LRMDA: variants seen among roughly 807,000 people sequenced by gnomAD.
LRMDA encodes leucine rich melanocyte differentiation associated, also known as leucine-rich melanocyte differentiation-associated protein.
Under a neutral mutation model 29.8 loss-of-function variants are expected in LRMDA, and 18 were observed. That is an observed-to-expected ratio of 0.60 (90% CI 0.42 to 0.90). LRMDA has a LOEUF of 0.90. Ranked by LOEUF, LRMDA falls within the 40% of genes least tolerant of loss-of-function variation. The probability of loss-of-function intolerance (pLI) is 0.00; values close to 1 mark genes in which losing one functional copy is unlikely to be tolerated. For missense variants in LRMDA, 273 were observed against 273.9 expected, an observed-to-expected ratio of 1.00 and a Z score of 0.02; for synonymous variants, 125 against 109.4, an observed-to-expected ratio of 1.14 and a Z score of -0.89.
intron 5 of LRMDA, among the ~76,000 whole-genome samples, chr10:76,078,753 G>C (rs750301703): frequency 1.4e-4 from 22 of 152,042 alleles, no homozygotes; most frequent in Non-Finnish European, 2.9e-4. Context: ...GGAGAATGGC[G>C]TGAACCCAGG....
chr10:75,520,304 T>G (rs975920898), intron 2 of LRMDA, among the ~76,000 whole-genome samples: 16 of 152,236 alleles, frequency 1.1e-4, no homozygotes, highest in Non-Finnish European at 2.2e-4. Context: ...TCCTGTCACT[T>G]TCAGGTACAC....
intron 2 of LRMDA, among the ~76,000 whole-genome samples, chr10:75,899,204 C>A (rs1334312989): frequency 1.3e-5 from 2 of 152,176 alleles, no homozygotes; most frequent in Admixed American, 1.3e-4. Context: ...CCAACCCTCT[C>A]AAAAATTATT....
rs186999282 is a variant in LRMDA at position 76,130,147 on chromosome 10, C to T, written c.516+71364C>T. ...TTTTTTTTTGGACACTTCTTGACTA[C>T]TGTGAATCAGTAGATACAAAAGATA... On this transcript the variant is annotated intron_variant, in intron 5 of 6. Transcript: ENST00000611255. Among the ~76,000 whole-genome samples, 511 of 148,494 alleles carry T rather than the reference C, an allele frequency of 3.4e-3. 4 individuals carry two copies. The highest frequency in any genetic ancestry group is 0.012 in the African/African-American group (493 of 40,274).
chr10:76,489,640 A>G (rs1842813807), intron 6 of LRMDA, among the ~76,000 whole-genome samples: 2 of 151,904 alleles, frequency 1.3e-5, no homozygotes, highest in Admixed American at 1.3e-4. Context: ...TTTCTGATAT[A>G]GGAGCTTATA....
chr10:76,171,635 C>T (rs919983920), intron 5 of LRMDA, among the ~76,000 whole-genome samples: 4 of 152,146 alleles, frequency 2.6e-5, no homozygotes, highest in Non-Finnish European at 4.4e-5. Context: ...GAAACGTAAC[C>T]ACAGCAGGGA....
chr10:75,962,252 C>T (rs1050632259), intron 2 of LRMDA, among the ~76,000 whole-genome samples: 1 of 152,180 alleles, frequency 6.6e-6, no homozygotes. Flanking sequence ...ACAAGCAAGT[C>T]ACTTGTTTCT....
At chr10:76,301,655 A>G (rs1245004181) in intron 5 of LRMDA, among the ~76,000 whole-genome samples, 1 of 152,202 alleles carries the variant, frequency 6.6e-6, no homozygotes, top group Non-Finnish European at 1.5e-5. Context: ...CCCACCACAG[A>G]GCATAATTTC....
chr10:75,755,044 T>G (rs1382755080), intron 2 of LRMDA, among the ~76,000 whole-genome samples: 1 of 139,842 alleles, frequency 7.2e-6, no homozygotes, highest in Non-Finnish European at 1.5e-5. Flanking sequence ...GTTTTTTGGT[T>G]TTTTTTTTTG....
chr10:75,912,179 C>G (rs969728874), intron 2 of LRMDA, among the ~76,000 whole-genome samples: 5 of 152,152 alleles, frequency 3.3e-5, no homozygotes, highest in African/African-American at 1.2e-4. Flanking sequence ...ATTTCCCCCC[C>G]TTCCCTTTCT....
In LRMDA at chr10:75,480,299, G is replaced by C. The variant is rs527865869; in HGVS notation, c.131+41805G>C. Among the ~76,000 whole-genome samples, 8 of 85,748 alleles carry C rather than the reference G, an allele frequency of 9.3e-5. No individual in the cohort carries two copies. In the East Asian group the frequency reaches 2.8e-3, roughly 30 times the overall value. The allele number at this position is 85,748 out of a possible 152,430, so 56.3% of individuals were successfully genotyped here. A position where few individuals can be genotyped will look rare whatever the true frequency, so the allele number is the denominator to read the frequency against. ...AGCTTGTATTTTAGTGAGGAGAGTT[G>C]GCCAAGTAAGGTGGCCTTGGGAGCT... On this transcript the variant is annotated intron_variant, in intron 2 of 6. Transcript: ENST00000611255.
chr10:76,389,873 T>G, intron 6 of LRMDA, among the ~76,000 whole-genome samples: 1 of 152,188 alleles, frequency 6.6e-6, no homozygotes, highest in East Asian at 1.9e-4. Context: ...TCATTCATCT[T>G]GTTGATGGTC....
chr10:76,324,921 C>T (rs569126202), intron 6 of LRMDA, among the ~76,000 whole-genome samples: 1 of 152,240 alleles, frequency 6.6e-6, no homozygotes, highest in South Asian at 2.1e-4. Context: ...ATTTGCCTGG[C>T]AACATTGAGA....
At chr10:76,337,630 C>A (rs939512574) in intron 6 of LRMDA, among the ~76,000 whole-genome samples, 8 of 151,938 alleles carry the variant, frequency 5.3e-5, no homozygotes, top group Non-Finnish European at 1.2e-4. Context: ...CAGAACAATA[C>A]CAGGGGCTAG....
At chr10:76,168,411 C>T (rs1850778433) in intron 5 of LRMDA, among the ~76,000 whole-genome samples, 1 of 152,172 alleles carries the variant, frequency 6.6e-6, no homozygotes, top group Non-Finnish European at 1.5e-5. Context: ...TAGAATTATG[C>T]CCAGGGGTCC....
intron 2 of LRMDA, among the ~76,000 whole-genome samples, chr10:75,708,471 G>A (rs571492790): frequency 6.6e-6 from 1 of 152,208 alleles, no homozygotes; most frequent in African/African-American, 2.4e-5. Context: ...TGGCTGCCAG[G>A]TGATTTAGTT....
At chr10:75,958,213 T>C (rs1365589658) in intron 2 of LRMDA, among the ~76,000 whole-genome samples, 1 of 152,212 alleles carries the variant, frequency 6.6e-6, no homozygotes, top group African/African-American at 2.4e-5. Context: ...AGGTACATCC[T>C]GGTTTCTTGC....
chr10:76,531,878 T>G (rs1287533536), intron 6 of LRMDA, among the ~76,000 whole-genome samples: 1 of 152,190 alleles, frequency 6.6e-6, no homozygotes, highest in Admixed American at 6.5e-5. Flanking sequence ...AAGTCATTGG[T>G]TAAATTTGTC....
At chr10:76,311,990 T>C (rs1370922571) in intron 5 of LRMDA, among the ~76,000 whole-genome samples, 1 of 152,150 alleles carries the variant, frequency 6.6e-6, no homozygotes, top group Non-Finnish European at 1.5e-5. Flanking sequence ...CTCTGACCCC[T>C]ATCCCTAGTT....
chr10:75,642,380 G>A (rs1267794168), intron 2 of LRMDA: 1 of 152,208 alleles, frequency 6.6e-6, no homozygotes, highest in East Asian at 1.9e-4. Context: ...TGGAAGTAAA[G>A]TGGAATTTGT....
Sources: gnomAD v4.1 joint callset for allele counts (sites outside exome capture counted in the v4.1 genomes callset) on GRCh38, gnomAD v4.1.1 for gene constraint, MANE v1.5 for transcripts, NCBI Gene and HGNC (gene_info 2026-07-23, HGNC 2026-07-21) for gene names.